The following ALG5 variants were observed in gnomAD, a reference collection of about 807,000 sequenced individuals.
ALG5 encodes the protein dolichyl-phosphate beta-glucosyltransferase.
Under a neutral mutation model 51.8 loss-of-function variants are expected in ALG5, and 26 were observed. That is an observed-to-expected ratio of 0.50 (90% CI 0.37 to 0.70). The LOEUF (loss-of-function observed/expected upper bound fraction) is 0.70, where lower values mean the gene tolerates loss of function less well. Among genes scored for constraint, ALG5 ranks in the 30% least tolerant of loss-of-function variants. ALG5 has a pLI of 0.00. For synonymous variants in ALG5, 141 were observed against 136.1 expected (o/e 1.04, Z -0.25); for missense variants, 311 against 399.3 (o/e 0.78, Z 1.88).
chr13:36,968,082 TAAC>T (rs980316720), intron 7 of ALG5: 1 of 181,298 alleles, frequency 5.5e-6, no homozygotes, highest in African/African-American at 2.4e-5. Flanking sequence ...TTTAAAAGCT[TAAC>T]AAGGTTAGTC....
intron 6 of ALG5, among the ~76,000 whole-genome samples, chr13:36,974,214 C>T (rs2058939342): frequency 6.6e-6 from 1 of 152,146 alleles, no homozygotes; most frequent in South Asian, 2.1e-4. Context: ...AATACATACA[C>T]AGTATGCATC....
intron 4 of ALG5, among the ~76,000 whole-genome samples, chr13:36,990,613 A>G (rs1289804357): frequency 6.6e-6 from 1 of 152,050 alleles, no homozygotes; most frequent in Non-Finnish European, 1.5e-5. Context: ...ACGTCTGTTT[A>G]GAGCCCAGAC....
rs781408999 is a variant in ALG5 at position 36,995,592 on chromosome 13, G to A, written c.71C>T (p.Ser24Phe). 2.5e-6 allele frequency: 4 copies of A among 1,598,238 alleles called. No homozygotes were observed. The highest frequency in any genetic ancestry group is 1.8e-5 in the Admixed American group (1 of 54,706). The change falls in exon 2 of 10, where the codon TCC (serine) becomes TTC (phenylalanine). Residue 24 changes from serine (S) to phenylalanine (F), a missense_variant. By Grantham distance (155) the Ser-to-Phe change is radical. Coordinates refer to ENST00000239891, the MANE Select transcript of ALG5 (RefSeq NM_013338.5). Reference protein sequence around the residue: ...ALAAAALVLISIVAFTTATKM... With the variant: ...ALAAAALVLIFIVAFTTATKM... The stretch of plus-strand genomic sequence containing the variant: ...TGTAGCAGTTGTAAATGCAACGATG[G>A]AAATCTAAAAGCAGACATACATGTC...
chr13:36,997,240 A>G (rs1270793592), intron 1 of ALG5, among the ~76,000 whole-genome samples: 1 of 152,148 alleles, frequency 6.6e-6, no homozygotes, highest in Non-Finnish European at 1.5e-5. Flanking sequence ...TGGGAGGCCG[A>G]GGAGGGTGGA....
chr13:36,951,486 T>TACAGAGCAA (rs1179042548), intron 9 of ALG5, among the ~76,000 whole-genome samples: 1 of 152,222 alleles, frequency 6.6e-6, no homozygotes, highest in African/African-American at 2.4e-5. Flanking sequence ...CAATAATGGT[T>TACAGAGCAA]TACTGCAACA....
chr13:36,971,145 C>A (rs993473639), intron 7 of ALG5, among the ~76,000 whole-genome samples: 1 of 152,024 alleles, frequency 6.6e-6, no homozygotes, highest in Admixed American at 6.6e-5. Context: ...TCTAGCATAA[C>A]CTACAAAATG....
At chr13:36,995,085 GC>G in intron 2 of ALG5, 50 bp from the exon 3 acceptor site, 1 of 1,510,308 alleles carries the variant, frequency 6.6e-7, no homozygotes. Context: ...GATTTTCCAA[GC>G]CCGGCACATT....
chr13:36,984,775 G>A (rs941836588), intron 6 of ALG5, among the ~76,000 whole-genome samples: 1 of 151,984 alleles, frequency 6.6e-6, no homozygotes, highest in Non-Finnish European at 1.5e-5. Flanking sequence ...CCCTCCCCTG[G>A]AGCTCTACGT....
intron 6 of ALG5, among the ~76,000 whole-genome samples, chr13:36,974,181 C>G (rs1566062325): frequency 6.6e-6 from 1 of 151,560 alleles, no homozygotes; most frequent in Middle Eastern, 3.4e-3. Flanking sequence ...CTGTATAGTA[C>G]CACACTTTGC....
chr13:36,995,426 C>T lies in ALG5; in HGVS notation c.237G>A (p.Arg79=). The T allele has an allele frequency of 6.2e-7, 1 of 1,607,844 alleles. No individual in the cohort carries two copies. Among genetic ancestry groups the T allele is most frequent in the Non-Finnish European group, 8.5e-7 (1 of 1,178,494 alleles). The change falls in exon 2 of 10, where the codon CGG becomes CGA. Residue 79 remains arginine, a splice_region_variant and synonymous_variant. Coordinates refer to ENST00000239891, the MANE Select transcript of ALG5 (RefSeq NM_013338.5). ...CAAAAAAATCAAAACAGGGCTTACA[C>T]CGTTTTTCTTCATTGTATGAAGGCA... The part of the protein sequence containing the change: ...VVVPSYNEEK[R]LPVMMDEALS...
At chr13:36,971,027 A>G (rs1345397296) in intron 7 of ALG5, among the ~76,000 whole-genome samples, 1 of 152,198 alleles carries the variant, frequency 6.6e-6, no homozygotes, top group East Asian at 1.9e-4. Context: ...TAAAATTTCT[A>G]CATATCTCTC....
intron 8 of ALG5, among the ~76,000 whole-genome samples, chr13:36,960,729 C>T (rs1328727484): frequency 6.6e-6 from 1 of 151,768 alleles, no homozygotes; most frequent in Non-Finnish European, 1.5e-5. Flanking sequence ...GCAATCTCCA[C>T]CTCCCGGGTT....
chr13:36,950,768 T>C (rs2058814780), intron 9 of ALG5, among the ~76,000 whole-genome samples: 1 of 152,028 alleles, frequency 6.6e-6, no homozygotes, highest in South Asian at 2.1e-4. Context: ...AATTTTTTTA[T>C]AGAGATGAGG....
intron 9 of ALG5, among the ~76,000 whole-genome samples, chr13:36,950,581 T>C (rs1182527311): frequency 3.1e-5 from 1 of 31,920 alleles, no homozygotes; most frequent in East Asian, 0.071. Context: ...CAGCAGATTC[T>C]TTTTTTGTTT....
intron 6 of ALG5, among the ~76,000 whole-genome samples, chr13:36,975,913 C>T (rs547897724): frequency 4.0e-4 from 60 of 150,332 alleles, no homozygotes; most frequent in African/African-American, 1.4e-3. Flanking sequence ...CCCAGCTACT[C>T]GGGAGGCCAA....
chr13:36,972,950 C>T (rs544717264), intron 6 of ALG5, among the ~76,000 whole-genome samples: 297 of 146,010 alleles, frequency 2.0e-3, no homozygotes, highest in Middle Eastern at 7.2e-3. Context: ...CGAGATCACA[C>T]CACTGTGCTC....
intron 7 of ALG5, among the ~76,000 whole-genome samples, chr13:36,971,424 A>G (rs1240954564): frequency 6.6e-6 from 1 of 152,086 alleles, no homozygotes; most frequent in East Asian, 1.9e-4. Context: ...AGGCAGGCGG[A>G]TTACCTGAGC....
intron 3 of ALG5, among the ~76,000 whole-genome samples, chr13:36,994,277 T>C (rs2059038967): frequency 6.6e-6 from 1 of 152,242 alleles, no homozygotes; most frequent in South Asian, 2.1e-4. Flanking sequence ...GTGAATCTTC[T>C]ATTTCCCCTT....
At chr13:36,968,114 T>A (rs1173403043) in intron 7 of ALG5, 2 of 169,056 alleles carry the variant, frequency 1.2e-5, no homozygotes, top group African/African-American at 4.8e-5. Context: ...GATAATCTTG[T>A]TTTTGTTTTT....
Sources: allele counts gnomAD v4.1 joint callset (sites outside exome capture counted in the v4.1 genomes callset), GRCh38; gene constraint gnomAD v4.1.1; transcripts MANE v1.5; gene names NCBI Gene and HGNC (gene_info 2026-07-23, HGNC 2026-07-21).